The following AMPH variants were observed in gnomAD, a reference collection of about 807,000 sequenced individuals.
AMPH encodes the protein amphiphysin.
In AMPH, 49 loss-of-function variants were observed where a neutral mutation model predicts 99.1. The ratio of observed to expected loss-of-function variants is 0.49; its 90% CI spans 0.39 to 0.63. The LOEUF is 0.63. Ranked by LOEUF, AMPH falls within the 20% of genes least tolerant of loss-of-function variation. AMPH has a pLI of 0.00. For missense variants in AMPH, 759 were observed against 863.4 expected (o/e 0.88, Z 1.52); for synonymous variants, 314 against 317.3 (o/e 0.99, Z 0.11).
chr7:38,616,878 T>G (rs1793891052), intron 1 of AMPH, among the ~76,000 whole-genome samples: 1 of 152,070 alleles, frequency 6.6e-6, no homozygotes, highest in African/African-American at 2.4e-5. Context: ...GGAAGAGGCA[T>G]GGAGGAGCTA....
intron 1 of AMPH, among the ~76,000 whole-genome samples, chr7:38,579,421 G>C (rs59413007): frequency 0.28 from 42,753 of 152,034 alleles, 6,410 homozygotes; most frequent in Non-Finnish European, 0.34. Context: ...CTTCAACGTA[G>C]GTATGGGTGA....
intron 1 of AMPH, among the ~76,000 whole-genome samples, chr7:38,537,683 T>C (rs1790665041): frequency 6.6e-6 from 1 of 152,200 alleles, no homozygotes; most frequent in African/African-American, 2.4e-5. Flanking sequence ...AAACAGATCG[T>C]CAATATGAGC....
chr7:38,466,453 G>A (rs537243961), intron 7 of AMPH, among the ~76,000 whole-genome samples: 7 of 152,066 alleles, frequency 4.6e-5, no homozygotes, highest in Middle Eastern at 3.4e-3. Flanking sequence ...TTTTGGCATA[G>A]AGCATGACCT....
At chr7:38,408,244 T>G (rs1382099116) in intron 17 of AMPH, among the ~76,000 whole-genome samples, 1 of 152,236 alleles carries the variant, frequency 6.6e-6, no homozygotes, top group Non-Finnish European at 1.5e-5. Context: ...CAAGTGATGT[T>G]TGACAAAGAA....
At chr7:38,528,861 T>C (rs1026593459) in intron 2 of AMPH, among the ~76,000 whole-genome samples, 1 of 152,102 alleles carries the variant, frequency 6.6e-6, no homozygotes, top group African/African-American at 2.4e-5. Flanking sequence ...TTTAATGCTA[T>C]AAATTTCCCT....
At chr7:38,445,002 TATATATATAC>T (rs1431617942) in intron 11 of AMPH, among the ~76,000 whole-genome samples, 1 of 127,650 alleles carries the variant, frequency 7.8e-6, no homozygotes, top group Non-Finnish European at 1.7e-5. Flanking sequence ...TATATATATA[TATATATATAC>T]ACACACACAC....
intron 5 of AMPH, among the ~76,000 whole-genome samples, chr7:38,480,480 C>T (rs1043183168): frequency 6.6e-6 from 1 of 152,140 alleles, no homozygotes; most frequent in African/African-American, 2.4e-5. Context: ...CTCTGACAGA[C>T]TTTATGAGTC....
At chr7:38,455,073 T>A (rs1460662145) in intron 11 of AMPH, among the ~76,000 whole-genome samples, 1 of 150,798 alleles carries the variant, frequency 6.6e-6, no homozygotes, top group Non-Finnish European at 1.5e-5. Flanking sequence ...TAAGTGATTA[T>A]TAAAATTCTT....
rs779390439 is a variant in AMPH, at chr7:38,394,155, C to T, written c.1458G>A (p.Gly486=). 5 of 1,614,112 alleles carry T rather than the reference C, an allele frequency of 3.1e-6. No homozygotes were observed. The highest frequency in any genetic ancestry group is 1.6e-4 in the Middle Eastern group (1 of 6,082). ...CCGCCTCTGCTTCCTCTCCTGGGGC[C>T]CCCTCAGCTGCTGACACCAAGGTTC... ...AVGTLVSAAE[G]APGEEAEAEK... The change falls in exon 18 of 21, where the codon GGG becomes GGA. Residue 486 remains glycine (G), a synonymous_variant. Coordinates refer to ENST00000356264, the MANE Select transcript of AMPH (RefSeq NM_001635.4).
rs56738810 is a variant in AMPH at position 38,406,731 on chromosome 7, CCTCTCTCTCTCTCT to C, written c.1398+11080_1398+11093del. Among the ~76,000 whole-genome samples the C allele has an allele frequency of 8.1e-3, 653 of 80,556 alleles. 11 individuals are homozygous for C. Among genetic ancestry groups the C allele is most frequent in the African/African-American group, 0.033 (604 of 18,222 alleles). The allele number at this position is 80,556 out of a possible 152,430, so 52.8% of individuals were successfully genotyped here. On this transcript the variant is annotated intron_variant, in intron 17 of 20. Coordinates refer to ENST00000356264, the MANE Select transcript of AMPH (RefSeq NM_001635.4). ...CTCCTCTCCTCTCTCTCTCCCTTTC[CCTCTCTCTCTCTCT>C]CTCTCTCTCTCTCTCTCTCTCTCTC...
chr7:38,495,316 G>C (rs1198110072), intron 3 of AMPH, among the ~76,000 whole-genome samples: 3 of 152,136 alleles, frequency 2.0e-5, no homozygotes, highest in Non-Finnish European at 4.4e-5. Context: ...AATGAGAGCA[G>C]TACACACATT....
At chr7:38,399,043 G>A (rs1170885107) in intron 17 of AMPH, among the ~76,000 whole-genome samples, 1 of 152,080 alleles carries the variant, frequency 6.6e-6, no homozygotes, top group African/African-American at 2.4e-5. Flanking sequence ...TTTTAAGAAT[G>A]ATAAATAAAT....
chr7:38,482,590 T>C (rs1181090832), intron 5 of AMPH, among the ~76,000 whole-genome samples: 2 of 152,134 alleles, frequency 1.3e-5, no homozygotes, highest in Admixed American at 6.6e-5. Flanking sequence ...AATTTCTAAA[T>C]ATAGTACAAT....
At chr7:38,560,159 G>A (rs879876519) in intron 1 of AMPH, among the ~76,000 whole-genome samples, 20 of 152,262 alleles carry the variant, frequency 1.3e-4, no homozygotes, top group Admixed American at 4.6e-4. Context: ...GATTTTCTGT[G>A]GCCAATGAGA....
chr7:38,471,175 A>C (rs1787870320), intron 7 of AMPH, among the ~76,000 whole-genome samples: 1 of 152,152 alleles, frequency 6.6e-6, no homozygotes, highest in Non-Finnish European at 1.5e-5. Context: ...CCTAGACACT[A>C]TCACTCTGAC....
At chr7:38,631,126 C>G (rs1298518655) in intron 1 of AMPH, among the ~76,000 whole-genome samples, 157 bp downstream of exon 1, 1 of 151,834 alleles carries the variant, frequency 6.6e-6, no homozygotes, top group East Asian at 1.9e-4. Flanking sequence ...CGGCAGTCAC[C>G]GAGCTGAGGG....
chr7:38,605,751 T>TA (rs557148251), intron 1 of AMPH, among the ~76,000 whole-genome samples: 270 of 151,940 alleles, frequency 1.8e-3, no homozygotes, highest in African/African-American at 6.1e-3. Flanking sequence ...ATTTTTTTTT[T>TA]AAATATTTTA....
intron 17 of AMPH, among the ~76,000 whole-genome samples, chr7:38,408,767 A>G (rs1785131761): frequency 6.6e-6 from 1 of 150,830 alleles, no homozygotes; most frequent in Admixed American, 6.6e-5. Context: ...AAAAAAAAAA[A>G]AAGAATTTCT....
chr7:38,581,368 T>C (rs1275175389), intron 1 of AMPH, among the ~76,000 whole-genome samples: 1 of 151,962 alleles, frequency 6.6e-6, no homozygotes, highest in East Asian at 1.9e-4. Flanking sequence ...TCCAGATAAA[T>C]GGGGACGGGC....
Sources: allele counts gnomAD v4.1 joint callset (sites outside exome capture counted in the v4.1 genomes callset), GRCh38; gene constraint gnomAD v4.1.1; transcripts MANE v1.5; gene names NCBI Gene and HGNC (gene_info 2026-07-23, HGNC 2026-07-21).